Variants in OPCML observed in about 807,000 individuals in gnomAD.
OPCML encodes the protein opioid-binding protein/cell adhesion molecule.
Under a neutral mutation model 37.8 loss-of-function variants are expected in OPCML, and 13 were observed. That is an observed-to-expected ratio of 0.34 (90% CI 0.22 to 0.55). OPCML has a LOEUF of 0.55. OPCML is among the 20% of genes least tolerant of loss of function. The pLI, the probability that OPCML is intolerant of heterozygous loss-of-function variation, is 0.91. For missense variants in OPCML, 341 were observed against 435.6 expected (o/e 0.78, Z 1.93); for synonymous variants, 176 against 168.8 (o/e 1.04, Z -0.33).
Position 132,554,863 on chromosome 11 carries a change from G to GTTTTTTTTTTTTTTTTTTTTT in OPCML, c.380-25698_380-25678dup, listed in dbSNP as rs5795789. Among the ~76,000 whole-genome samples, 44 of 64,032 alleles carry GTTTTTTTTTTTTTTTTTTTTT rather than the reference G, an allele frequency of 6.9e-4. 1 individual carries two copies. The highest frequency in any genetic ancestry group is 3.7e-3 in the East Asian group (5 of 1,366). The allele number at this position is 64,032 out of a possible 152,430, so 42.0% of individuals were successfully genotyped here. A position where few individuals can be genotyped will look rare whatever the true frequency, so the allele number is the denominator to read the frequency against. Reference sequence around the variant, plus strand: ...ATAAAAGCCATGGGAATGGGGTAAAGTTTTTTTTTTTTTTTTTTTTTTTTT... The same window carrying GTTTTTTTTTTTTTTTTTTTTT: ...ATAAAAGCCATGGGAATGGGGTAAAGTTTTTTTTTTTTTTTTTTTTTTTTTTTTTTTTTTTTTTTTTTTTTT... On this transcript the variant is annotated intron_variant, in intron 3 of 7. Transcript: ENST00000524381.
In OPCML at chr11:132,716,921, G is replaced by A. The variant is rs538682513; in HGVS notation, c.147-59602C>T. On this transcript the variant is annotated intron_variant, in intron 2 of 7. Transcript: ENST00000524381. ...TTTAGAACTATCCCAATAGAAAAATGGATATAGTACATGAATAAAACTTTA... is the reference window on the plus strand; with the variant it reads ...TTTAGAACTATCCCAATAGAAAAATAGATATAGTACATGAATAAAACTTTA... Among the ~76,000 whole-genome samples, 57 of 152,178 alleles carry A rather than the reference G, an allele frequency of 3.7e-4. No homozygotes were observed. In the South Asian group the frequency reaches 0.011, roughly 30 times the overall value.
intron 1 of OPCML, among the ~76,000 whole-genome samples, chr11:133,100,794 AC>A: frequency 6.6e-6 from 1 of 152,240 alleles, no homozygotes; most frequent in Non-Finnish European, 1.5e-5. Flanking sequence ...TAATCCTTAT[AC>A]CTTTTGCCAA....
At chr11:133,067,956 G>T (rs143394322) in intron 1 of OPCML, 1 of 152,166 alleles carries the variant, frequency 6.6e-6, no homozygotes, top group African/African-American at 2.4e-5. Context: ...CTTTGGGGGC[G>T]CAGTTATGGA....
intron 4 of OPCML, among the ~76,000 whole-genome samples, chr11:132,475,598 C>A (rs1441882598): frequency 6.6e-6 from 1 of 152,042 alleles, no homozygotes; most frequent in Non-Finnish European, 1.5e-5. Context: ...GAAGAGGCTG[C>A]AAGAGGGCAG....
chr11:133,099,118 A>G (rs190384403), intron 1 of OPCML, among the ~76,000 whole-genome samples: 19 of 152,348 alleles, frequency 1.2e-4, no homozygotes, highest in African/African-American at 4.1e-4. Flanking sequence ...AACATATACA[A>G]GACCTATGTG....
chr11:132,991,048 T>C (rs1407614249), intron 1 of OPCML, among the ~76,000 whole-genome samples: 1 of 152,168 alleles, frequency 6.6e-6, no homozygotes, highest in Non-Finnish European at 1.5e-5. Flanking sequence ...AAGCAAACCA[T>C]AATTCTGACC....
At chr11:132,503,171 TG>T (rs1466104217) in intron 4 of OPCML, among the ~76,000 whole-genome samples, 1 of 152,188 alleles carries the variant, frequency 6.6e-6, no homozygotes, top group African/African-American at 2.4e-5. Context: ...TTGAAGAACC[TG>T]AGTTTAACAA....
chr11:133,108,417 T>C (rs551434197), intron 1 of OPCML, among the ~76,000 whole-genome samples: 53 of 152,296 alleles, frequency 3.5e-4, no homozygotes, highest in Non-Finnish European at 6.3e-4. Context: ...AACGCAAATT[T>C]AATTCTTCCC....
chr11:132,671,650 A>C (rs1206798363), intron 2 of OPCML, among the ~76,000 whole-genome samples: 4 of 152,162 alleles, frequency 2.6e-5, no homozygotes, highest in African/African-American at 9.7e-5. Flanking sequence ...TGGGCAAGAC[A>C]CTAAGAAAGA....
At chr11:133,439,520 T>C (rs1288410787) in intron 1 of OPCML, 4 of 812,690 alleles carry the variant, frequency 4.9e-6, no homozygotes, top group Non-Finnish European at 5.9e-6. Context: ...CAGGCTGGAG[T>C]GCAGTGGCTC....
At chr11:133,330,610 C>T (rs1190836275) in intron 1 of OPCML, among the ~76,000 whole-genome samples, 1 of 150,954 alleles carries the variant, frequency 6.6e-6, no homozygotes, top group African/African-American at 2.4e-5. Context: ...ACCAGATGTT[C>T]TCACTCATAG....
At chr11:133,140,221 A>ATAATAATAATAATAC (rs1295109781) in intron 1 of OPCML, among the ~76,000 whole-genome samples, 1 of 137,650 alleles carries the variant, frequency 7.3e-6, no homozygotes, top group African/African-American at 2.7e-5. Flanking sequence ...AATAATAATA[A>ATAATAATAATAATAC]TACTGATAGG....
chr11:133,365,048 TCA>T (rs3220326), intron 1 of OPCML, among the ~76,000 whole-genome samples: 15,429 of 146,324 alleles, frequency 0.11, 834 homozygotes, highest in African/African-American at 0.14. Flanking sequence ...TCTCTCTCTT[TCA>T]CACACACACA....
chr11:133,279,318 A>G (rs146720985), intron 1 of OPCML, among the ~76,000 whole-genome samples: 21 of 152,220 alleles, frequency 1.4e-4, no homozygotes, highest in Admixed American at 1.0e-3. Context: ...GTCTTTATTC[A>G]TGCTACAAAA....
chr11:133,111,049 C>T (rs1417728458), intron 1 of OPCML, among the ~76,000 whole-genome samples: 4 of 152,078 alleles, frequency 2.6e-5, no homozygotes, highest in African/African-American at 9.7e-5. Flanking sequence ...ATTAGAACAG[C>T]CCCCAAATAA....
Position 132,494,110 on chromosome 11 carries a change from C to T in OPCML, c.505+34951G>A, listed in dbSNP as rs146760821. ...TATGATCTCTTGTTATGGTCACCTT[C>T]GACCCCAGAAATAATGGTCTCTGTT... On this transcript the variant is annotated intron_variant, in intron 4 of 7. Coordinates refer to ENST00000524381, the MANE Select transcript of OPCML (RefSeq NM_001012393.5). Among the ~76,000 whole-genome samples the T allele has an allele frequency of 3.5e-3, 527 of 152,302 alleles. 1 individual carries two copies. Among genetic ancestry groups the T allele is most frequent in the African/African-American group, 0.012 (488 of 41,566 alleles).
intron 3 of OPCML, among the ~76,000 whole-genome samples, chr11:132,630,526 A>G (rs892347102): frequency 2.3e-4 from 35 of 148,980 alleles, no homozygotes; most frequent in African/African-American, 7.9e-4. Context: ...AGGACACAAT[A>G]TGTGTGTGTG....
intron 1 of OPCML, among the ~76,000 whole-genome samples, chr11:133,049,860 GACC>G (rs1387498245): frequency 1.3e-5 from 2 of 152,188 alleles, no homozygotes; most frequent in Non-Finnish European, 2.9e-5. Flanking sequence ...CTGCCGGGGA[GACC>G]CCCTCAGGAG....
chr11:133,305,060 G>A (rs1050847359), intron 1 of OPCML, among the ~76,000 whole-genome samples: 36 of 152,236 alleles, frequency 2.4e-4, no homozygotes, highest in African/African-American at 8.4e-4. Context: ...AGAGTGATAA[G>A]CAGAGTCTGA....
Sources: gnomAD v4.1 joint callset for allele counts (sites outside exome capture counted in the v4.1 genomes callset) on GRCh38, gnomAD v4.1.1 for gene constraint, MANE v1.5 for transcripts, NCBI Gene and HGNC (gene_info 2026-07-23, HGNC 2026-07-21) for gene names.